The following ARHGAP20 variants were observed in gnomAD, a reference collection of about 807,000 sequenced individuals.
The protein encoded by ARHGAP20 is Rho GTPase activating protein 20, also known as rho GTPase-activating protein 20.
A neutral mutation model predicts 73.7 loss-of-function variants in ARHGAP20; 34 were observed. That is an observed-to-expected ratio of 0.46 (90% CI 0.35 to 0.61). The LOEUF (loss-of-function observed/expected upper bound fraction) is 0.61. Ranked by LOEUF, ARHGAP20 falls within the 20% of genes least tolerant of loss-of-function variation. The probability of loss-of-function intolerance (pLI) is 0.00; values close to 1 mark genes in which losing one functional copy is unlikely to be tolerated. For synonymous variants in ARHGAP20, 523 were observed against 518.2 expected, an observed-to-expected ratio of 1.01 and a Z score of -0.13; for missense variants, 1,314 against 1,420.9, an observed-to-expected ratio of 0.92 and a Z score of 1.21.
At chr11:110,648,740 C>T (rs1012592020) in intron 2 of ARHGAP20, among the ~76,000 whole-genome samples, 3 of 152,056 alleles carry the variant, frequency 2.0e-5, no homozygotes, top group African/African-American at 7.2e-5. Context: ...GCCTAGGCCT[C>T]CCAAAGTGCT....
chr11:110,595,180 C>T (rs985026338), intron 9 of ARHGAP20, among the ~76,000 whole-genome samples: 1 of 151,896 alleles, frequency 6.6e-6, no homozygotes, highest in African/African-American at 2.4e-5. Flanking sequence ...AACCCACAGC[C>T]AATATCATAC....
chr11:110,594,578 TAAGTA>T (rs1031028083), intron 9 of ARHGAP20, among the ~76,000 whole-genome samples: 1 of 152,122 alleles, frequency 6.6e-6, no homozygotes, highest in Non-Finnish European at 1.5e-5. Flanking sequence ...ATACTCCACT[TAAGTA>T]AAGCAGTTTC....
intron 2 of ARHGAP20, among the ~76,000 whole-genome samples, chr11:110,676,553 C>T (rs1464049550): frequency 6.6e-6 from 1 of 152,182 alleles, no homozygotes; most frequent in African/African-American, 2.4e-5. Flanking sequence ...GATTAAATTA[C>T]CTCTCACCAG....
At chr11:110,587,128 G>A (rs1947690545) in intron 11 of ARHGAP20, among the ~76,000 whole-genome samples, 1 of 152,150 alleles carries the variant, frequency 6.6e-6, no homozygotes, top group Admixed American at 6.5e-5. Context: ...TTTAGCTTTT[G>A]TTGTTTGGCT....
intron 2 of ARHGAP20, among the ~76,000 whole-genome samples, chr11:110,657,288 A>G (rs1224135341): frequency 6.6e-6 from 1 of 152,208 alleles, no homozygotes; most frequent in African/African-American, 2.4e-5. Context: ...GGAAATATAA[A>G]GCTGGAGTTA....
chr11:110,657,921 A>AG (rs914139087), intron 2 of ARHGAP20, among the ~76,000 whole-genome samples: 1 of 17,090 alleles, frequency 5.9e-5, no homozygotes, highest in Non-Finnish European at 1.3e-4. Flanking sequence ...AAAGAGAGAG[A>AG]GGAAGGAAGG....
At chr11:110,688,832 A>G (rs998304414) in intron 2 of ARHGAP20, among the ~76,000 whole-genome samples, 3 of 152,174 alleles carry the variant, frequency 2.0e-5, no homozygotes, top group Non-Finnish European at 2.9e-5. Flanking sequence ...GATCAACCCA[A>G]TGACTAAAGT....
In ARHGAP20 at chr11:110,580,656, C is replaced by T; in HGVS notation, c.2290G>A (p.Gly764Ser). 1 of 1,614,218 alleles carries T rather than the reference C, an allele frequency of 6.2e-7. No homozygotes were observed. Among genetic ancestry groups the T allele is most frequent in the Non-Finnish European group, 8.5e-7 (1 of 1,180,020 alleles). ...KTCFKQSLVT[G>S]TDVSKKNATT... ...GCATTTTTCTTGCTGACATCAGTGC[C>T]TGTGACTAAACTCTGTTTAAAACAT... Residue 764 changes from glycine (G) to serine (S), a missense_variant, in exon 15 of 15, where the codon GGC becomes AGC. Gly to Ser is a moderately conservative substitution (Grantham distance 56). Around this residue, in one of 3 missense-constraint regions of ARHGAP20, gnomAD observed 641 missense variants for 636.9 expected, o/e 1.01. Coordinates refer to ENST00000683387, the MANE Select transcript of ARHGAP20 (RefSeq NM_001384657.1).
intron 4 of ARHGAP20, 149 bp downstream of exon 4, chr11:110,624,013 A>G: frequency 9.1e-7 from 1 of 1,102,482 alleles, no homozygotes; most frequent in Non-Finnish European, 1.3e-6. Context: ...GTGTCAACAG[A>G]TGAGTTATTG....
chr11:110,654,718 T>C (rs1949428296), intron 2 of ARHGAP20, among the ~76,000 whole-genome samples: 1 of 152,186 alleles, frequency 6.6e-6, no homozygotes, highest in Non-Finnish European at 1.5e-5. Flanking sequence ...GTGAGAAGTT[T>C]ATTGCAATGC....
intron 12 of ARHGAP20, among the ~76,000 whole-genome samples, chr11:110,585,646 C>T (rs999973444): frequency 6.6e-6 from 1 of 152,088 alleles, no homozygotes; most frequent in African/African-American, 2.4e-5. Flanking sequence ...TGAGTTCTAC[C>T]AGCAATTTCC....
At chr11:110,619,486 C>T (rs891934686) in intron 4 of ARHGAP20, among the ~76,000 whole-genome samples, 22 of 143,372 alleles carry the variant, frequency 1.5e-4, no homozygotes, top group South Asian at 4.5e-4. Context: ...AGAGTATATG[C>T]AGTGATAGAG....
chr11:110,678,896 C>T lies in ARHGAP20; in HGVS notation c.188+11651G>A, dbSNP rs112768683. 7.8e-3 allele frequency among the ~76,000 whole-genome samples: 1,192 copies of T among 152,260 alleles called. 21 individuals carry two copies. The highest frequency in any genetic ancestry group is 0.027 in the African/African-American group (1,135 of 41,552). Reference sequence around the variant, plus strand: ...CCCAGGCTGGTCTTGAACTCCTGAGCTCATGCAATTCCACCCGCCTTGGCC... The same window carrying T: ...CCCAGGCTGGTCTTGAACTCCTGAGTTCATGCAATTCCACCCGCCTTGGCC... On this transcript the variant is annotated intron_variant, in intron 2 of 14. Coordinates refer to ENST00000683387, the MANE Select transcript of ARHGAP20 (RefSeq NM_001384657.1).
At chr11:110,691,556 G>C (rs903151495) in intron 1 of ARHGAP20, among the ~76,000 whole-genome samples, 2 of 152,106 alleles carry the variant, frequency 1.3e-5, no homozygotes, top group Non-Finnish European at 2.9e-5. Flanking sequence ...TATAAAACTA[G>C]GCAGCTCAGT....
chr11:110,586,333 A>G lies in ARHGAP20; in HGVS notation c.1306-8T>C. ...AATATTTCGCAGAAAATCCTTAAAT[A>G]GATGGAAAAACAAATATTTCAAATA... is the stretch of plus-strand genomic sequence containing the variant. On this transcript the variant is annotated splice_region_variant and splice_polypyrimidine_tract_variant and intron_variant, in intron 11 of 14. Transcript: ENST00000683387. 1 of 1,478,626 alleles carries G rather than the reference A, an allele frequency of 6.8e-7. No individual in the cohort carries two copies. Among genetic ancestry groups the G allele is most frequent in the Non-Finnish European group, 9.2e-7 (1 of 1,082,900 alleles). 91.6% of individuals were successfully genotyped at this position (1,478,626 alleles called of 1,614,324 possible).
At chr11:110,633,098 T>C (rs1017338070) in intron 2 of ARHGAP20, among the ~76,000 whole-genome samples, 1 of 152,222 alleles carries the variant, frequency 6.6e-6, no homozygotes, top group Non-Finnish European at 1.5e-5. Context: ...TTAAAATATG[T>C]ATGATTTTTA....
intron 1 of ARHGAP20, chr11:110,711,544 G>A (rs1335108004): frequency 1.5e-6 from 2 of 1,325,414 alleles, no homozygotes; most frequent in Non-Finnish European, 2.0e-6. Flanking sequence ...CAGGACCCTG[G>A]TGTGGGGGGC....
chr11:110,713,038 G>C (rs557273358), upstream of ARHGAP20: 1 of 152,278 alleles, frequency 6.6e-6, no homozygotes, highest in Non-Finnish European at 1.5e-5. Flanking sequence ...TTCTGCAGCC[G>C]GTCATGTCAG....
chr11:110,631,829 C>T (rs1440166510), intron 2 of ARHGAP20, among the ~76,000 whole-genome samples: 1 of 152,142 alleles, frequency 6.6e-6, no homozygotes. Context: ...TCCCAAATAC[C>T]TCAAACTCCT....
Sources: gnomAD v4.1 joint callset for allele counts (sites outside exome capture counted in the v4.1 genomes callset) on GRCh38, gnomAD v4.1.1 for gene constraint, gnomAD v4.1.1 regional missense constraint, MANE v1.5 for transcripts, NCBI Gene and HGNC (gene_info 2026-07-23, HGNC 2026-07-21) for gene names.